The following RNF180 variants were observed in gnomAD, a reference collection of about 807,000 sequenced individuals.
RNF180 encodes E3 ubiquitin-protein ligase RNF180.
RNF180 carries 38 observed loss-of-function variants against 59.2 expected under a neutral mutation model. The observed-to-expected ratio is 0.64, with a 90% CI of 0.50 to 0.84. RNF180 has a LOEUF of 0.84. Ranked by LOEUF, RNF180 falls within the 40% of genes least tolerant of loss-of-function variation. The pLI, the probability that RNF180 is intolerant of heterozygous loss-of-function variation, is 0.00. For missense variants in RNF180, 705 were observed against 700.9 expected (o/e 1.01, Z -0.07); for synonymous variants, 262 against 240.3 (o/e 1.09, Z -0.84).
At chr5:64,240,052 T>A (rs1453372968) in intron 5 of RNF180, among the ~76,000 whole-genome samples, 4 of 152,176 alleles carry the variant, frequency 2.6e-5, no homozygotes, top group Non-Finnish European at 5.9e-5. Context: ...TGCTCTTCAC[T>A]CTCTGAACTC....
At chr5:64,284,047 CTGG>C (rs1048903511) in intron 5 of RNF180, among the ~76,000 whole-genome samples, 7 of 152,280 alleles carry the variant, frequency 4.6e-5, no homozygotes, top group South Asian at 4.1e-4. Context: ...TAAGGTAGAT[CTGG>C]TGGTAACAAA....
intron 5 of RNF180, among the ~76,000 whole-genome samples, chr5:64,246,985 A>G (rs1743219423): frequency 6.6e-6 from 1 of 152,246 alleles, no homozygotes; most frequent in African/African-American, 2.4e-5. Flanking sequence ...AATCCATCAC[A>G]TAAACAGAAC....
chr5:64,364,006 A>AG (rs1232322057), intron 7 of RNF180, among the ~76,000 whole-genome samples: 1 of 151,792 alleles, frequency 6.6e-6, no homozygotes, highest in African/African-American at 2.4e-5. Flanking sequence ...GGGGCTATCT[A>AG]GATATAGAAT....
intron 5 of RNF180, among the ~76,000 whole-genome samples, chr5:64,317,437 G>T (rs938055554): frequency 6.6e-6 from 1 of 151,862 alleles, no homozygotes; most frequent in South Asian, 2.1e-4. Flanking sequence ...CAACAGACTT[G>T]TTTGTCACAG....
chr5:64,289,018 G>A (rs754294492), intron 5 of RNF180, among the ~76,000 whole-genome samples: 3 of 152,280 alleles, frequency 2.0e-5, no homozygotes, highest in Admixed American at 6.5e-5. Flanking sequence ...TATGATACTG[G>A]ATGTGGGTTT....
intron 5 of RNF180, among the ~76,000 whole-genome samples, chr5:64,322,483 G>C (rs1210547349): frequency 6.6e-6 from 1 of 151,954 alleles, no homozygotes; most frequent in Non-Finnish European, 1.5e-5. Context: ...TTATTAAAAA[G>C]TCAAGAAACA....
At chr5:64,248,698 C>T (rs1199035186) in intron 5 of RNF180, among the ~76,000 whole-genome samples, 3 of 152,152 alleles carry the variant, frequency 2.0e-5, no homozygotes, top group South Asian at 2.1e-4. Flanking sequence ...GACAGTATGG[C>T]GATTCCTCAA....
chr5:64,270,908 TTTTG>T (rs1180224556), intron 5 of RNF180, among the ~76,000 whole-genome samples: 2 of 152,104 alleles, frequency 1.3e-5, no homozygotes, highest in African/African-American at 2.4e-5. Flanking sequence ...CTGATGTGTT[TTTTG>T]TTTATCCTGC....
At chr5:64,283,655 T>C (rs911293455) in intron 5 of RNF180, among the ~76,000 whole-genome samples, 6 of 152,266 alleles carry the variant, frequency 3.9e-5, no homozygotes, top group South Asian at 2.1e-4. Flanking sequence ...GTCTGGCATT[T>C]CCCATGCTTG....
chr5:64,362,300 C>G (rs1459261921), intron 7 of RNF180, among the ~76,000 whole-genome samples: 1 of 151,748 alleles, frequency 6.6e-6, no homozygotes, highest in East Asian at 1.9e-4. Context: ...CATGTGTTCT[C>G]ATCATTTAGC....
chr5:64,372,214 A>G lies in RNF180; in HGVS notation c.*2400A>G, dbSNP rs1746681858. On this transcript the variant is annotated 3_prime_UTR_variant, in exon 8 of 8. Coordinates refer to ENST00000389100, the MANE Select transcript of RNF180 (RefSeq NM_001113561.2). ...TAAAAAAATGCCCTAATTGAGGTATATTTCTGAATAGTTTCAGCAGGTTAT... is the reference window on the plus strand; with the variant it reads ...TAAAAAAATGCCCTAATTGAGGTATGTTTCTGAATAGTTTCAGCAGGTTAT... The G allele has an allele frequency of 6.6e-6, 1 of 151,782 alleles. No individual in the cohort carries two copies. Among genetic ancestry groups the G allele is most frequent in the Admixed American group, 6.6e-5 (1 of 15,172 alleles). 9.4% of individuals were successfully genotyped at this position (151,782 alleles called of 1,614,324 possible). A position where few individuals can be genotyped will look rare whatever the true frequency, so the allele number is the denominator to read the frequency against.
At chr5:64,208,532 AACTT>A (rs1480783309) in intron 2 of RNF180, among the ~76,000 whole-genome samples, 1 of 151,568 alleles carries the variant, frequency 6.6e-6, no homozygotes, top group African/African-American at 2.4e-5. Context: ...ACTGACTTAA[AACTT>A]AATAGTTGAT....
chr5:64,169,449 G>A (rs1362526297), intron 1 of RNF180, among the ~76,000 whole-genome samples: 2 of 152,174 alleles, frequency 1.3e-5, no homozygotes, highest in East Asian at 3.9e-4. Flanking sequence ...ACATTCAGCA[G>A]ATTGCTGCAT....
chr5:64,262,675 C>G (rs1438452820), intron 5 of RNF180, among the ~76,000 whole-genome samples: 1 of 152,144 alleles, frequency 6.6e-6, no homozygotes, highest in Admixed American at 6.6e-5. Flanking sequence ...GAAACATGCA[C>G]TCATTCAAGA....
intron 5 of RNF180, among the ~76,000 whole-genome samples, chr5:64,245,265 A>T (rs1320991142): frequency 6.6e-6 from 1 of 152,240 alleles, no homozygotes; most frequent in Non-Finnish European, 1.5e-5. Context: ...TTCACACATA[A>T]CAATATTAAC....
At chr5:64,182,203 G>A (rs568557282) in intron 1 of RNF180, among the ~76,000 whole-genome samples, 14 of 151,950 alleles carry the variant, frequency 9.2e-5, no homozygotes, top group Non-Finnish European at 1.9e-4. Flanking sequence ...GTGTTAGCCA[G>A]GATGGTCTTG....
chr5:64,263,182 G>A (rs1744450152), intron 5 of RNF180, among the ~76,000 whole-genome samples: 1 of 152,180 alleles, frequency 6.6e-6, no homozygotes, highest in South Asian at 2.1e-4. Flanking sequence ...CTGGTTGGTG[G>A]TTAGTCTGGT....
intron 7 of RNF180, among the ~76,000 whole-genome samples, chr5:64,368,008 C>G (rs764188184): frequency 6.6e-6 from 1 of 151,598 alleles, no homozygotes; most frequent in Non-Finnish European, 1.5e-5. Flanking sequence ...GGTTTTTTCT[C>G]AAGCTCTAAT....
At chr5:64,331,055 C>T (rs1362397316) in intron 7 of RNF180, among the ~76,000 whole-genome samples, 9 of 152,228 alleles carry the variant, frequency 5.9e-5, no homozygotes, top group South Asian at 2.1e-4. Flanking sequence ...CAGGCACTGT[C>T]GCAACCCAGC....
Sources: gnomAD v4.1 joint callset for allele counts (sites outside exome capture counted in the v4.1 genomes callset) on GRCh38, gnomAD v4.1.1 for gene constraint, MANE v1.5 for transcripts, NCBI Gene and HGNC (gene_info 2026-07-23, HGNC 2026-07-21) for gene names.